Variants in SHANK2 observed in about 807,000 individuals in gnomAD.
SHANK2 encodes the protein SH3 and multiple ankyrin repeat domains 2, also known as SH3 and multiple ankyrin repeat domains protein 2.
A neutral mutation model predicts 133.7 loss-of-function variants in SHANK2; 43 were observed. The observed-to-expected ratio is 0.32, with a 90% CI of 0.25 to 0.41. The LOEUF is 0.41. Among genes scored for constraint, SHANK2 ranks in the 10% least tolerant of loss-of-function variants. The pLI is 1.00. For missense variants in SHANK2, 1,994 were observed against 2,235.8 expected (o/e 0.89, Z 2.18); for synonymous variants, 1,017 against 952.8 (o/e 1.07, Z -1.24).
chr11:70,740,938 G>A (rs1292531263), intron 14 of SHANK2, among the ~76,000 whole-genome samples: 1 of 152,054 alleles, frequency 6.6e-6, no homozygotes, highest in African/African-American at 2.4e-5. Context: ...TTGATCAAGG[G>A]GACAAACTAT....
At chr11:71,064,814 G>C (rs1951028757) in intron 9 of SHANK2, among the ~76,000 whole-genome samples, 1 of 152,144 alleles carries the variant, frequency 6.6e-6, no homozygotes, top group African/African-American at 2.4e-5. Flanking sequence ...TATTTACAGA[G>C]TGGGGAGCAG....
intron 15 of SHANK2, among the ~76,000 whole-genome samples, chr11:70,671,412 C>A (rs533924302): frequency 6.6e-6 from 1 of 152,150 alleles, no homozygotes; most frequent in South Asian, 2.1e-4. Flanking sequence ...CCTCACTTGA[C>A]GACTACAGAT....
Position 70,824,507 on chromosome 11 carries a change from G to T in SHANK2, c.1175-3825C>A, listed in dbSNP as rs185314130. ...ATGAACGCCACCCAGGCTGGCCGGG[G>T]AGAGACAAGGAACGGAAAAAGCTGA... On this transcript the variant is annotated intron_variant, in intron 11 of 25. Coordinates refer to ENST00000601538, the MANE Select transcript of SHANK2 (RefSeq NM_012309.5). 1.5e-3 allele frequency among the ~76,000 whole-genome samples: 222 copies of T among 152,238 alleles called. 1 individual carries two copies. Among genetic ancestry groups the T allele is most frequent in the Middle Eastern group, 3.4e-3 (1 of 294 alleles).
intron 14 of SHANK2, among the ~76,000 whole-genome samples, chr11:70,783,857 G>A (rs761461034): frequency 6.6e-6 from 1 of 152,126 alleles, no homozygotes; most frequent in Non-Finnish European, 1.5e-5. Context: ...CCATCTATTC[G>A]GAAGGCCCGG....
At chr11:70,863,728 T>C (rs797037435) in intron 11 of SHANK2, 8 of 437,620 alleles carry the variant, frequency 1.8e-5, no homozygotes, top group African/African-American at 1.4e-4. Flanking sequence ...GGAGATGAGA[T>C]CTTTACAGCT....
intron 10 of SHANK2, among the ~76,000 whole-genome samples, chr11:70,922,870 T>C (rs548559321): frequency 5.9e-5 from 9 of 151,512 alleles, no homozygotes; most frequent in Non-Finnish European, 1.3e-4. Flanking sequence ...CCTGGTGACA[T>C]AAACAAAATA....
intron 14 of SHANK2, among the ~76,000 whole-genome samples, chr11:70,788,736 GGGA>G (rs1434117951): frequency 4.6e-5 from 7 of 152,290 alleles, no homozygotes; most frequent in South Asian, 2.1e-4. Context: ...GGTTGGATTT[GGGA>G]GGAGGAGATT....
Position 70,486,018 on chromosome 11 carries a change from A to T in SHANK2, c.4275T>A (p.Asp1425Glu). 1 of 1,614,044 alleles carries T rather than the reference A, an allele frequency of 6.2e-7. No individual in the cohort carries two copies. The highest frequency in any genetic ancestry group is 8.5e-7 in the Non-Finnish European group (1 of 1,180,006). Residue 1425 changes from aspartate to glutamate, a missense_variant, in exon 25 of 26, where the codon GAT becomes GAA. Coordinates refer to ENST00000601538, the MANE Select transcript of SHANK2 (RefSeq NM_012309.5). This position sits in a 1 kb window ranked among gnomAD's most constrained non-coding sequence, Gnocchi z 8.0. The part of the protein sequence containing the change: ...LEFANSFDIP[D>E]DRAASVPALS... ...GAGCCGGGACAGAAGCTGCCCGGTC[A>T]TCGGGGATATCAAAACTATTTGCAA...
intron 17 of SHANK2, among the ~76,000 whole-genome samples, chr11:70,548,407 C>T (rs1202689529): frequency 6.6e-6 from 1 of 152,224 alleles, no homozygotes; most frequent in Non-Finnish European, 1.5e-5. Context: ...TAGCCCAAGT[C>T]CCATCCCGTC....
chr11:71,244,703 T>C (rs887843795), intron 1 of SHANK2, among the ~76,000 whole-genome samples: 6 of 152,094 alleles, frequency 3.9e-5, no homozygotes, highest in South Asian at 2.1e-4. Flanking sequence ...TCTCACCAAG[T>C]GTTTTTTTGT....
chr11:71,209,979 C>T (rs989503614), intron 2 of SHANK2, among the ~76,000 whole-genome samples: 3 of 151,836 alleles, frequency 2.0e-5, no homozygotes, highest in East Asian at 2.0e-4. Flanking sequence ...CGACACAGGA[C>T]GTGGGTTGTG....
chr11:70,747,115 C>A (rs1369380580), intron 14 of SHANK2, among the ~76,000 whole-genome samples: 1 of 151,466 alleles, frequency 6.6e-6, no homozygotes, highest in African/African-American at 2.4e-5. Flanking sequence ...GGGGACTGGG[C>A]TGCATGGGGA....
intron 3 of SHANK2, among the ~76,000 whole-genome samples, 169 bp downstream of exon 3, chr11:71,146,951 G>A (rs529920773): frequency 3.5e-4 from 54 of 152,270 alleles, no homozygotes; most frequent in African/African-American, 1.1e-3. Context: ...AGGCGGGCAC[G>A]GCAGGGAGCC....
intron 15 of SHANK2, among the ~76,000 whole-genome samples, chr11:70,673,014 C>T (rs1162594417): frequency 2.6e-5 from 4 of 152,220 alleles, no homozygotes; most frequent in African/African-American, 7.2e-5. Flanking sequence ...GTGCTCCTGA[C>T]GCAGTGAAGG....
At position 70,658,292 on chromosome 11, in the gene SHANK2, C is replaced by G. The variant is rs201051993; in HGVS notation, c.2061+1536G>C. On this transcript the variant is annotated intron_variant, in intron 17 of 25. Transcript: ENST00000601538. ...ACACACACACACACAGACACACACACACACACACACACACAGACACACACA... is the reference window on the plus strand; with the variant it reads ...ACACACACACACACAGACACACACAGACACACACACACACAGACACACACA... 4.6e-3 allele frequency among the ~76,000 whole-genome samples: 649 copies of G among 142,360 alleles called. 2 individuals carry two copies. Among genetic ancestry groups the G allele is most frequent in the Non-Finnish European group, 7.0e-3 (450 of 64,544 alleles). The allele number at this position is 142,360 out of a possible 152,430, so 93.4% of individuals were successfully genotyped here.
At chr11:70,754,554 T>C (rs558875380) in intron 14 of SHANK2, among the ~76,000 whole-genome samples, 18 of 152,186 alleles carry the variant, frequency 1.2e-4, no homozygotes, top group Non-Finnish European at 2.4e-4. Flanking sequence ...AAATTCTACA[T>C]AGGTGACAGC....
At chr11:70,525,595 G>A (rs2059385600) in intron 17 of SHANK2, among the ~76,000 whole-genome samples, 1 of 152,150 alleles carries the variant, frequency 6.6e-6, no homozygotes, top group Non-Finnish European at 1.5e-5. Flanking sequence ...AAATGCCAGG[G>A]TTGGCAGCAT....
chr11:70,915,660 C>G (rs1950259584), intron 10 of SHANK2, among the ~76,000 whole-genome samples: 2 of 152,124 alleles, frequency 1.3e-5, no homozygotes, highest in African/African-American at 2.4e-5. Flanking sequence ...TTAAAGGCAA[C>G]AGGCATAAGA....
intron 17 of SHANK2, among the ~76,000 whole-genome samples, chr11:70,633,105 T>C (rs1263857510): frequency 6.6e-6 from 1 of 151,886 alleles, no homozygotes; most frequent in Admixed American, 6.6e-5. Flanking sequence ...GCAGCTGATT[T>C]AGACACGTTG....
Sources: allele counts gnomAD v4.1 joint callset (sites outside exome capture counted in the v4.1 genomes callset), GRCh38; gene constraint gnomAD v4.1.1; non-coding constraint Gnocchi (gnomAD v3.1); transcripts MANE v1.5; gene names NCBI Gene and HGNC (gene_info 2026-07-23, HGNC 2026-07-21).